MTA1: variants seen among roughly 807,000 people sequenced by gnomAD.
MTA1 encodes metastasis-associated protein MTA1.
In MTA1, 15 loss-of-function variants were observed where a neutral mutation model predicts 97.0. The observed-to-expected ratio is 0.15, with a 90% CI of 0.10 to 0.24. The LOEUF (loss-of-function observed/expected upper bound fraction) is 0.24. Ranked by LOEUF, MTA1 falls within the 10% of genes least tolerant of loss-of-function variation. The pLI, the probability that MTA1 is intolerant of heterozygous loss-of-function variation, is 1.00. For synonymous variants in MTA1, 435 were observed against 417.5 expected (o/e 1.04, Z -0.51); for missense variants, 709 against 1,015.1 (o/e 0.70, Z 4.10).
At chr14:105,437,685 C>T (rs760683066) in intron 1 of MTA1, among the ~76,000 whole-genome samples, 14 of 152,210 alleles carry the variant, frequency 9.2e-5, no homozygotes, top group Non-Finnish European at 1.8e-4. Flanking sequence ...CAGGCCTGTG[C>T]GGGCCTCTGG....
At chr14:105,460,974 T>C in intron 10 of MTA1, 21 bp downstream of exon 10, 5 of 1,596,732 alleles carry the variant, frequency 3.1e-6, no homozygotes, top group Non-Finnish European at 2.6e-6. Context: ...TGGGTGGCGA[T>C]GGGGGAGTGG....
intron 16 of MTA1, chr14:105,466,119 G>A (rs8181908): frequency 0.75 from 316,472 of 423,666 alleles, 124,195 homozygotes; most frequent in East Asian, 0.83. Context: ...CTGTGCTCAC[G>A]GGCCTGTGTA....
rs374207178 is a variant in MTA1 at position 105,466,759 on chromosome 14, C to T, written c.1813+17C>T. 1.9e-3 allele frequency: 2,994 copies of T among 1,566,422 alleles called. 9 individuals carry two copies. Among genetic ancestry groups the T allele is most frequent in the South Asian group, 7.9e-3 (675 of 85,408 alleles). On this transcript the variant is annotated intron_variant, in intron 18 of 20. Transcript: ENST00000331320. ...CCAGTAGGGGTAAGGCCTGGAGCCG[C>T]GGGCGGGCGCTGCGCCGGCCCCGCC...
chr14:105,429,752 C>CTTTTTTTTTT (rs59028638), intron 1 of MTA1, among the ~76,000 whole-genome samples: 3 of 50,576 alleles, frequency 5.9e-5, no homozygotes, highest in African/African-American at 9.0e-5. Flanking sequence ...TGCGCCCGGC[C>CTTTTTTTTTT]TTTTTTTTTT....
At position 105,420,993 on chromosome 14, in the gene MTA1, C is replaced by A. The variant is rs980547964; in HGVS notation, c.28+930C>A. 1.3e-5 allele frequency among the ~76,000 whole-genome samples: 2 copies of A among 152,244 alleles called. No homozygotes were observed. Among genetic ancestry groups the A allele is most frequent in the South Asian group, 2.1e-4 (1 of 4,836 alleles). On this transcript the variant is annotated intron_variant, in intron 1 of 20. Coordinates refer to ENST00000331320, the MANE Select transcript of MTA1 (RefSeq NM_004689.4). This position sits in a 1 kb window ranked among gnomAD's most constrained non-coding sequence, Gnocchi z 5.3. ...GGAGGGAGCTGGGGTCACTCCCGCTCTGGCTTGATCCCCATGCCCCTGACC... is the reference window on the plus strand; with the variant it reads ...GGAGGGAGCTGGGGTCACTCCCGCTATGGCTTGATCCCCATGCCCCTGACC...
rs1420795390 is a variant in MTA1 at position 105,422,327 on chromosome 14, G to A, written c.28+2264G>A. 3.3e-5 allele frequency among the ~76,000 whole-genome samples: 5 copies of A among 152,136 alleles called. No homozygotes were observed. The highest frequency in any genetic ancestry group is 5.9e-5 in the Non-Finnish European group (4 of 68,004). On this transcript the variant is annotated intron_variant, in intron 1 of 20. Coordinates refer to ENST00000331320, the MANE Select transcript of MTA1 (RefSeq NM_004689.4). The surrounding 1 kb of genome is among the most constrained non-coding windows in gnomAD (Gnocchi z 4.3). Reference sequence around the variant, plus strand: ...TGGCTTCCTGTCTTGGTGCTCGCTCGGGGAGGTGGGCGTCTGGATTCTTGA... The same window carrying A: ...TGGCTTCCTGTCTTGGTGCTCGCTCAGGGAGGTGGGCGTCTGGATTCTTGA...
chr14:105,453,275 G>A (rs2083014487), intron 6 of MTA1, among the ~76,000 whole-genome samples: 1 of 152,284 alleles, frequency 6.6e-6, no homozygotes, highest in Non-Finnish European at 1.5e-5. Flanking sequence ...GCTCCTCCAA[G>A]GTTGTGCCCA....
At chr14:105,445,372 C>G (rs587619562) in intron 2 of MTA1, 46 bp from the exon 3 acceptor site, 1 of 1,580,508 alleles carries the variant, frequency 6.3e-7, no homozygotes, top group South Asian at 1.1e-5. Flanking sequence ...GCTGTGCAGC[C>G]CGGGTTTGGT....
At chr14:105,427,686 T>A (rs587730821) in intron 1 of MTA1, among the ~76,000 whole-genome samples, 7 of 152,180 alleles carry the variant, frequency 4.6e-5, no homozygotes, top group Admixed American at 3.3e-4. Context: ...CTGCAAACAA[T>A]GAGAATTGAC....
chr14:105,460,519 GCCCTTCTTCCTA>G, intron 9 of MTA1, 62 bp downstream of exon 9: 1 of 1,475,386 alleles, frequency 6.8e-7, no homozygotes, highest in Non-Finnish European at 9.1e-7. Context: ...GAGTGGCTGC[GCCCTTCTTCCTA>G]CCAGGGCCCA....
At chr14:105,445,629 C>A in intron 3 of MTA1, 118 bp downstream of exon 3, 1 of 1,009,998 alleles carries the variant, frequency 9.9e-7, no homozygotes, top group Non-Finnish European at 1.5e-6. Flanking sequence ...CACCCTCTGC[C>A]CAACTCACTC....
Position 105,420,053 on chromosome 14 carries a change from C to T in MTA1, c.18C>T (p.Tyr6=). Residue 6 remains tyrosine, a synonymous_variant, in exon 1 of 21, where the codon TAC becomes TAT. Transcript: ENST00000331320. This position sits in a 1 kb window ranked among gnomAD's most constrained non-coding sequence, Gnocchi z 5.3. MAANM[Y]RVGDYVYFEN... ...GCCCGGACATGGCCGCCAACATGTA[C>T]AGGGTCGGAGGTAAGGCCGCACCGC... The T allele has an allele frequency of 9.1e-7, 1 of 1,093,582 alleles. No homozygotes were observed. The allele number at this position is 1,093,582 out of a possible 1,614,324, so 67.7% of individuals were successfully genotyped here. A position where few individuals can be genotyped will look rare whatever the true frequency, so the allele number is the denominator to read the frequency against.
rs782427065 is a variant in MTA1 at position 105,463,568 on chromosome 14, A to T, written c.1076+17A>T. ...TCCCAACTAGTAAGTGTGCCCTCAC[A>T]GCCGTCGTCCTCGTGGCCCCGGGGG... On this transcript the variant is annotated intron_variant, in intron 12 of 20. Transcript: ENST00000331320. This position sits in a 1 kb window ranked among gnomAD's most constrained non-coding sequence, Gnocchi z 5.9. 6.2e-7 allele frequency: 1 copy of T among 1,612,538 alleles called. No homozygotes were observed. The highest frequency in any genetic ancestry group is 1.1e-5 in the South Asian group (1 of 91,078).
Position 105,470,200 on chromosome 14 carries a change from C to T in MTA1, c.2133C>T (p.Ile711=), listed in dbSNP as rs781912240. The change falls in exon 21 of 21, where the codon ATC becomes ATT. Residue 711 remains isoleucine (I), a synonymous_variant. Coordinates refer to ENST00000331320, the MANE Select transcript of MTA1 (RefSeq NM_004689.4). ...PPPAPVNDEP[I]VIED ...CTGCGCCCGTCAACGACGAGCCCAT[C>T]GTCATCGAGGACTAGGGGCCGCCCC... 5.7e-5 allele frequency: 92 copies of T among 1,600,502 alleles called. No individual in the cohort carries two copies. Among genetic ancestry groups the T allele is most frequent in the Non-Finnish European group, 7.6e-5 (89 of 1,175,300 alleles).
intron 1 of MTA1, among the ~76,000 whole-genome samples, chr14:105,423,106 A>T (rs781925768): frequency 5.9e-5 from 9 of 151,576 alleles, no homozygotes; most frequent in African/African-American, 2.2e-4. Flanking sequence ...CAGCTTGCTC[A>T]TGTGGGGCTT....
chr14:105,470,201 G>A lies in MTA1; in HGVS notation c.2134G>A (p.Val712Ile), dbSNP rs782100695. ...PPAPVNDEPI[V>I]IED The stretch of plus-strand genomic sequence containing the variant: ...TGCGCCCGTCAACGACGAGCCCATC[G>A]TCATCGAGGACTAGGGGCCGCCCCC... The change falls in exon 21 of 21, where the codon GTC (valine) becomes ATC (isoleucine). Residue 712 changes from valine (V) to isoleucine (I), a missense_variant. Physicochemically the swap from Val to Ile is conservative, Grantham distance 29 (BLOSUM62 3). This residue lies in a region of MTA1 where 388 missense variants were observed against 421.6 expected (regional missense o/e 0.92). Transcript: ENST00000331320. The A allele has an allele frequency of 1.9e-5, 30 of 1,599,832 alleles. No individual in the cohort carries two copies. Among genetic ancestry groups the A allele is most frequent in the African/African-American group, 2.7e-5 (2 of 74,762 alleles).
At position 105,470,242 on chromosome 14, in the gene MTA1, C is replaced by CCGCCCCT. The variant is rs1448863516; in HGVS notation, c.*33_*39dup. 6.9e-7 allele frequency: 1 copy of CCGCCCCT among 1,455,598 alleles called. No individual in the cohort carries two copies. Among genetic ancestry groups the CCGCCCCT allele is most frequent in the Non-Finnish European group, 9.0e-7 (1 of 1,110,410 alleles). 90.2% of individuals were successfully genotyped at this position (1,455,598 alleles called of 1,614,324 possible). ...GGCCGCCCCCACCTGCGGCCGCCCC[C>CCGCCCCT]CGCCCCTCGCCCGCCCACACGGCCC... On this transcript the variant is annotated 3_prime_UTR_variant, in exon 21 of 21. Coordinates refer to ENST00000331320, the MANE Select transcript of MTA1 (RefSeq NM_004689.4).
intron 2 of MTA1, 60 bp downstream of exon 2, chr14:105,438,799 T>C: frequency 1.3e-6 from 2 of 1,561,072 alleles, no homozygotes; most frequent in Non-Finnish European, 1.8e-6. Flanking sequence ...CGCCAGCTCC[T>C]GCCCTGTGGG....
Position 105,466,428 on chromosome 14 carries a change from A to AG in MTA1, c.1627_1628insG (p.Thr543SerfsTer9). The AG allele has an allele frequency of 3.6e-5, 29 of 795,012 alleles. No homozygotes were observed. Among genetic ancestry groups the AG allele is most frequent in the East Asian group, 6.6e-5 (2 of 30,370 alleles). The allele number at this position is 795,012 out of a possible 1,614,324, so 49.2% of individuals were successfully genotyped here. A position where few individuals can be genotyped will look rare whatever the true frequency, so the allele number is the denominator to read the frequency against. ...TCTGCCTGTGTCATTCCCGGCAGAG[A>AG]CCCACCCCCGCCCCCCCAAGCCTGA... On this transcript the variant is annotated frameshift_variant, in exon 17 of 21. Transcript: ENST00000331320. LOFTEE classifies it high-confidence loss of function.
Sources: allele counts gnomAD v4.1 joint callset (sites outside exome capture counted in the v4.1 genomes callset), GRCh38; gene constraint gnomAD v4.1.1; regional missense constraint gnomAD v4.1.1; non-coding constraint Gnocchi (gnomAD v3.1); transcripts MANE v1.5; gene names NCBI Gene and HGNC (gene_info 2026-07-23, HGNC 2026-07-21).